Variants in CEP57 observed in about 807,000 individuals in gnomAD.
CEP57 encodes the protein centrosomal protein 57.
A neutral mutation model predicts 68.0 loss-of-function variants in CEP57; 40 were observed. That is an observed-to-expected ratio of 0.59 (90% CI 0.46 to 0.77). CEP57 has a LOEUF of 0.77. Among genes scored for constraint, CEP57 ranks in the 30% least tolerant of loss-of-function variants. The probability of loss-of-function intolerance (pLI) is 0.00; values close to 1 mark genes in which losing one functional copy is unlikely to be tolerated. For synonymous variants in CEP57, 219 were observed against 198.7 expected (o/e 1.10, Z -0.86); for missense variants, 606 against 580.7 (o/e 1.04, Z -0.45).
chr11:95,823,801 T>C (rs1284783021), intron 8 of CEP57, among the ~76,000 whole-genome samples: 1 of 152,148 alleles, frequency 6.6e-6, no homozygotes, highest in Admixed American at 6.5e-5. Flanking sequence ...GAGCAGTTCA[T>C]CTCTCCAGTC....
At chr11:95,817,756 T>C (rs754542791) in intron 4 of CEP57, 31 bp from the exon 5 acceptor site, 1 of 1,430,696 alleles carries the variant, frequency 7.0e-7, no homozygotes, top group South Asian at 1.1e-5. Context: ...GATTGTCAAA[T>C]TATCAAGCCG....
In CEP57 at chr11:95,809,469, G is replaced by A. The variant is rs542626198; in HGVS notation, c.203-3463G>A. On this transcript the variant is annotated intron_variant, in intron 2 of 10. Coordinates refer to ENST00000325542, the MANE Select transcript of CEP57 (RefSeq NM_014679.5). ...GACCACTAGCAAGACTAATAAAGAA[G>A]TAAAGCGAGAAGAATCAAATAGATG... Among the ~76,000 whole-genome samples the A allele has an allele frequency of 2.6e-5, 4 of 152,198 alleles. No individual in the cohort carries two copies. The East Asian group carries it at 7.7e-4, about 29-fold the overall frequency.
At chr11:95,797,750 C>T (rs1283517425) in intron 1 of CEP57, among the ~76,000 whole-genome samples, 3 of 152,178 alleles carry the variant, frequency 2.0e-5, no homozygotes, top group African/African-American at 4.8e-5. Flanking sequence ...AGCCCACTAA[C>T]ATACAAAATG....
chr11:95,814,907 T>C (rs1862238753), intron 4 of CEP57, among the ~76,000 whole-genome samples: 1 of 152,124 alleles, frequency 6.6e-6, no homozygotes, highest in African/African-American at 2.4e-5. Context: ...TCCTATAAAA[T>C]GGTGTGGTAT....
At chr11:95,818,717 C>T (rs1862404256) in intron 5 of CEP57, 110 bp from the exon 6 acceptor site, 1 of 813,572 alleles carries the variant, frequency 1.2e-6, no homozygotes, top group Non-Finnish European at 2.1e-6. Context: ...GTGATCTAAC[C>T]ACCTTATATT....
chr11:95,820,622 G>T (rs1271393760), intron 6 of CEP57, among the ~76,000 whole-genome samples: 4 of 151,136 alleles, frequency 2.6e-5, no homozygotes, highest in Non-Finnish European at 5.9e-5. Flanking sequence ...TTGCATCTTG[G>T]TGTTGGTGTG....
intron 2 of CEP57, among the ~76,000 whole-genome samples, chr11:95,806,927 G>A (rs1861829008): frequency 6.6e-6 from 1 of 152,186 alleles, no homozygotes; most frequent in Non-Finnish European, 1.5e-5. Flanking sequence ...CTCTTCAAGT[G>A]GATCCCTGAC....
At chr11:95,818,597 G>A (rs1290573753) in intron 5 of CEP57, among the ~76,000 whole-genome samples, 2 of 151,862 alleles carry the variant, frequency 1.3e-5, no homozygotes, top group Non-Finnish European at 2.9e-5. Flanking sequence ...GTGTTCTTTG[G>A]CCATAGATTT....
rs1284794107 is a variant in CEP57, at chr11:95,790,559, C to CCCAGCA, written c.-131_-126dup. 3.0e-5 allele frequency: 30 copies of CCCAGCA among 1,010,900 alleles called. No individual in the cohort carries two copies. The African/African-American group carries it at 4.3e-4, about 15-fold the overall frequency. The allele number at this position is 1,010,900 out of a possible 1,614,324, so 62.6% of individuals were successfully genotyped here. ...GGGGTGTGTTGCAGGGGTTTCCAAG[C>CCCAGCA]CCAGCACCAGCACCCTTGCCCTTTT... is the stretch of plus-strand genomic sequence containing the variant. On this transcript the variant is annotated 5_prime_UTR_variant, in exon 1 of 11. Coordinates refer to ENST00000325542, the MANE Select transcript of CEP57 (RefSeq NM_014679.5).
chr11:95,801,911 T>C (rs1861595983), intron 2 of CEP57, among the ~76,000 whole-genome samples: 1 of 152,212 alleles, frequency 6.6e-6, no homozygotes, highest in Non-Finnish European at 1.5e-5. Context: ...GTGAACTATT[T>C]AAGCAATGTC....
intron 2 of CEP57, among the ~76,000 whole-genome samples, chr11:95,807,007 T>A (rs1163549187): frequency 6.6e-6 from 1 of 152,158 alleles, no homozygotes; most frequent in Non-Finnish European, 1.5e-5. Context: ...CCGGGTCCCC[T>A]TCTGAGACTA....
At chr11:95,805,120 G>A (rs946895740) in intron 2 of CEP57, among the ~76,000 whole-genome samples, 5 of 152,154 alleles carry the variant, frequency 3.3e-5, no homozygotes, top group African/African-American at 9.7e-5. Context: ...CAGCAACATT[G>A]TGTACTGTTG....
rs1432584614 is a variant in CEP57 at position 95,831,336 on chromosome 11, A to G, written c.*80A>G. 10 of 996,300 alleles carry G rather than the reference A, an allele frequency of 1.0e-5. No individual in the cohort carries two copies. The highest frequency in any genetic ancestry group is 1.6e-5 in the Non-Finnish European group (10 of 640,110). The allele number at this position is 996,300 out of a possible 1,614,324, so 61.7% of individuals were successfully genotyped here. A position where few individuals can be genotyped will look rare whatever the true frequency, so the allele number is the denominator to read the frequency against. On this transcript the variant is annotated 3_prime_UTR_variant, in exon 11 of 11. Coordinates refer to ENST00000325542, the MANE Select transcript of CEP57 (RefSeq NM_014679.5). The stretch of plus-strand genomic sequence containing the variant: ...GATGACAATTTACTTCCCAGGTCTC[A>G]TACTCACTTATGTTGGAATTAATTA...
intron 1 of CEP57, among the ~76,000 whole-genome samples, chr11:95,798,228 A>G (rs1861429382): frequency 6.6e-6 from 1 of 152,184 alleles, no homozygotes; most frequent in East Asian, 1.9e-4. Flanking sequence ...ATAAATAGAA[A>G]ATGTTTTATA....
At position 95,795,929 on chromosome 11, in the gene CEP57, C is replaced by G. The variant is rs569943196; in HGVS notation, c.46-3303C>G. ...CCTTTTATATCCATTTCTAGCTTGCCTATCAGAATACATGTCAATCTACAA... is the reference window on the plus strand; with the variant it reads ...CCTTTTATATCCATTTCTAGCTTGCGTATCAGAATACATGTCAATCTACAA... On this transcript the variant is annotated intron_variant, in intron 1 of 10. Transcript: ENST00000325542. 5.9e-5 allele frequency among the ~76,000 whole-genome samples: 9 copies of G among 152,252 alleles called. No homozygotes were observed. The South Asian group carries it at 1.4e-3, about 25-fold the overall frequency.
At position 95,799,316 on chromosome 11, in the gene CEP57, C is replaced by G. The variant is rs1164756676; in HGVS notation, c.130C>G (p.Pro44Ala). The G allele has an allele frequency of 4.3e-6, 7 of 1,613,960 alleles. No individual in the cohort carries two copies. The highest frequency in any genetic ancestry group is 2.7e-5 in the African/African-American group (2 of 74,910). Residue 44 changes from proline to alanine, a missense_variant, in exon 2 of 11, where the codon CCT becomes GCT. Physicochemically the swap from Pro to Ala is conservative, Grantham distance 27. Transcript: ENST00000325542. The part of the protein sequence containing the change: ...SPYVVYPSDK[P>A]FLNSDLRRSP... ...ATATGTAGTATATCCTTCGGATAAG[C>G]CTTTCCTTAATAGTGATCTACGACG...
intron 7 of CEP57, 108 bp downstream of exon 7, chr11:95,822,086 T>C (rs1283256263): frequency 2.6e-6 from 2 of 773,886 alleles, no homozygotes; most frequent in Non-Finnish European, 4.4e-6. Context: ...AGTAAATCTT[T>C]CATTCTCAAT....
chr11:95,824,220 T>A (rs1014954050), intron 8 of CEP57, among the ~76,000 whole-genome samples: 1 of 151,884 alleles, frequency 6.6e-6, no homozygotes, highest in Non-Finnish European at 1.5e-5. Flanking sequence ...TACTCCAGCA[T>A]AGGCAACAGA....
At chr11:95,824,228 A>G in intron 8 of CEP57, among the ~76,000 whole-genome samples, 1 of 152,136 alleles carries the variant, frequency 6.6e-6, no homozygotes. Context: ...CATAGGCAAC[A>G]GAGTAAGATC....
Sources: gnomAD v4.1 joint callset for allele counts (sites outside exome capture counted in the v4.1 genomes callset) on GRCh38, gnomAD v4.1.1 for gene constraint, MANE v1.5 for transcripts, NCBI Gene and HGNC (gene_info 2026-07-23, HGNC 2026-07-21) for gene names.